KCNH7: variants seen among roughly 807,000 people sequenced by gnomAD.
The protein encoded by KCNH7 is voltage-gated inwardly rectifying potassium channel KCNH7.
In KCNH7, 49 loss-of-function variants were observed where a neutral mutation model predicts 120.8. That is an observed-to-expected ratio of 0.41 (90% CI 0.32 to 0.51). The LOEUF (loss-of-function observed/expected upper bound fraction) is 0.51, where lower values mean the gene tolerates loss of function less well. Ranked by LOEUF, KCNH7 falls within the 20% of genes least tolerant of loss-of-function variation. The pLI is 0.38. For synonymous variants in KCNH7, 547 were observed against 516.1 expected (o/e 1.06, Z -0.81); for missense variants, 1,097 against 1,446.6 (o/e 0.76, Z 3.92).
At chr2:162,615,724 G>A (rs956984670) in intron 2 of KCNH7, among the ~76,000 whole-genome samples, 3 of 151,924 alleles carry the variant, frequency 2.0e-5, no homozygotes, top group Non-Finnish European at 4.4e-5. Context: ...AAAACAATGA[G>A]GTTATGAAAC....
intron 2 of KCNH7, among the ~76,000 whole-genome samples, chr2:162,759,910 C>T (rs1266920710): frequency 6.6e-6 from 1 of 152,094 alleles, no homozygotes; most frequent in East Asian, 1.9e-4. Flanking sequence ...AAATTGCCTT[C>T]AGAGTCCCAC....
intron 6 of KCNH7, among the ~76,000 whole-genome samples, chr2:162,455,492 G>C (rs1688932767): frequency 6.6e-6 from 1 of 152,142 alleles, no homozygotes. Context: ...CTGTTGTTTG[G>C]AATAGTTTCA....
intron 2 of KCNH7, among the ~76,000 whole-genome samples, chr2:162,661,224 G>A (rs749160059): frequency 1.3e-5 from 2 of 152,154 alleles, no homozygotes; most frequent in East Asian, 3.9e-4. Flanking sequence ...AACTCTTTGG[G>A]TCTTCACCTG....
At chr2:162,801,621 T>C (rs1159868734) in intron 2 of KCNH7, among the ~76,000 whole-genome samples, 1 of 151,850 alleles carries the variant, frequency 6.6e-6, no homozygotes, top group East Asian at 1.9e-4. Flanking sequence ...TAAGCTAATA[T>C]CACATTCAGC....
chr2:162,563,189 G>A (rs1693133596), intron 2 of KCNH7, among the ~76,000 whole-genome samples: 1 of 152,164 alleles, frequency 6.6e-6, no homozygotes, highest in African/African-American at 2.4e-5. Context: ...TCTACTAACT[G>A]AGGAAATCTG....
intron 6 of KCNH7, among the ~76,000 whole-genome samples, chr2:162,479,109 T>C (rs1442543112): frequency 6.6e-6 from 1 of 151,082 alleles, no homozygotes; most frequent in African/African-American, 2.4e-5. Flanking sequence ...TGAAAAATTC[T>C]ACCTCTGACT....
chr2:162,414,453 T>C lies in KCNH7; in HGVS notation c.2154+8883A>G, dbSNP rs113626445. ...TATTATTATATTATGCATTATATAG[T>C]TATAGTATATAAAATAAACTACTAT... On this transcript the variant is annotated intron_variant, in intron 9 of 15. Transcript: ENST00000332142. 1.9e-3 allele frequency among the ~76,000 whole-genome samples: 286 copies of C among 151,446 alleles called. 3 individuals are homozygous for C. Among genetic ancestry groups the C allele is most frequent in the African/African-American group, 6.5e-3 (269 of 41,408 alleles).
At chr2:162,800,085 C>T (rs560445024) in intron 2 of KCNH7, among the ~76,000 whole-genome samples, 1 of 151,702 alleles carries the variant, frequency 6.6e-6, no homozygotes, top group East Asian at 1.9e-4. Flanking sequence ...CCTTCCACCA[C>T]AACAAACAAT....
intron 2 of KCNH7, among the ~76,000 whole-genome samples, chr2:162,552,769 G>A (rs1306753162): frequency 2.0e-5 from 3 of 152,190 alleles, no homozygotes; most frequent in Non-Finnish European, 2.9e-5. Flanking sequence ...GCCCCTGGGA[G>A]CCGAAAGCAG....
chr2:162,479,593 G>A (rs1689857382), intron 6 of KCNH7, among the ~76,000 whole-genome samples: 5 of 151,738 alleles, frequency 3.3e-5, no homozygotes, highest in Admixed American at 6.6e-5. Flanking sequence ...AGATGAAAAG[G>A]AAACAATAAA....
At chr2:162,467,244 T>C (rs1689339165) in intron 6 of KCNH7, among the ~76,000 whole-genome samples, 1 of 152,232 alleles carries the variant, frequency 6.6e-6, no homozygotes. Flanking sequence ...GAAATCAATG[T>C]GTCAACTTAG....
intron 6 of KCNH7, among the ~76,000 whole-genome samples, chr2:162,502,712 A>G (rs906512479): frequency 6.6e-6 from 1 of 152,030 alleles, no homozygotes; most frequent in Non-Finnish European, 1.5e-5. Context: ...TGATATTTAT[A>G]TATATGCTTC....
intron 2 of KCNH7, among the ~76,000 whole-genome samples, chr2:162,652,218 T>C (rs1361793325): frequency 6.6e-6 from 1 of 152,220 alleles, no homozygotes; most frequent in East Asian, 1.9e-4. Flanking sequence ...TGTTCAAAAC[T>C]ACACATTAGC....
chr2:162,396,997 T>C, intron 10 of KCNH7, 52 bp from the exon 11 acceptor site: 2 of 1,240,772 alleles, frequency 1.6e-6, no homozygotes. Context: ...AAACTCAATG[T>C]TCTCCTTCTA....
At chr2:162,441,199 T>C (rs190408922) in intron 7 of KCNH7, among the ~76,000 whole-genome samples, 5 of 152,318 alleles carry the variant, frequency 3.3e-5, no homozygotes, top group South Asian at 2.1e-4. Flanking sequence ...TATATGTATA[T>C]GTGTCTGCAA....
At chr2:162,427,712 T>A (rs1449030499) in intron 8 of KCNH7, among the ~76,000 whole-genome samples, 1 of 151,940 alleles carries the variant, frequency 6.6e-6, no homozygotes, top group Non-Finnish European at 1.5e-5. Context: ...GAAATCCAAT[T>A]TATCAATTTT....
chr2:162,505,438 T>C (rs16846777), intron 5 of KCNH7, among the ~76,000 whole-genome samples: 3 of 151,680 alleles, frequency 2.0e-5, no homozygotes, highest in African/African-American at 7.3e-5. Flanking sequence ...CACAGCTAGG[T>C]AATAGGGCAT....
intron 2 of KCNH7, among the ~76,000 whole-genome samples, chr2:162,667,636 G>A (rs1685187795): frequency 6.6e-6 from 1 of 152,130 alleles, no homozygotes; most frequent in Admixed American, 6.6e-5. Context: ...TTGAATGAGT[G>A]TCTAGTGCTC....
At chr2:162,800,982 G>A (rs1220822967) in intron 2 of KCNH7, among the ~76,000 whole-genome samples, 1 of 151,550 alleles carries the variant, frequency 6.6e-6, no homozygotes, top group Non-Finnish European at 1.5e-5. Context: ...TTGTAAGAAA[G>A]GATAAATGCT....
Sources: gnomAD v4.1 joint callset for allele counts (sites outside exome capture counted in the v4.1 genomes callset) on GRCh38, gnomAD v4.1.1 for gene constraint, MANE v1.5 for transcripts, NCBI Gene and HGNC (gene_info 2026-07-23, HGNC 2026-07-21) for gene names.